Variants in CTNNA1 observed in about 807,000 individuals in gnomAD.
CTNNA1 encodes the protein catenin alpha-1.
CTNNA1 carries 37 observed loss-of-function variants against 98.4 expected under a neutral mutation model. The ratio of observed to expected loss-of-function variants is 0.38; its 90% CI spans 0.29 to 0.49. The LOEUF (loss-of-function observed/expected upper bound fraction) is 0.49. Among genes scored for constraint, CTNNA1 ranks in the 20% least tolerant of loss-of-function variants. The probability of loss-of-function intolerance (pLI) is 0.95; values close to 1 mark genes in which losing one functional copy is unlikely to be tolerated. For synonymous variants in CTNNA1, 404 were observed against 413.2 expected, an observed-to-expected ratio of 0.98 and a Z score of 0.27; for missense variants, 761 against 1,147.2, an observed-to-expected ratio of 0.66 and a Z score of 4.86.
At chr5:138,912,762 ATAAG>A (rs1194257818) in intron 10 of CTNNA1, among the ~76,000 whole-genome samples, 2 of 152,026 alleles carry the variant, frequency 1.3e-5, no homozygotes, top group South Asian at 2.1e-4. Context: ...TTAAAATTAT[ATAAG>A]TAAGAGTAAA....
intron 7 of CTNNA1, among the ~76,000 whole-genome samples, chr5:138,877,232 C>T (rs997849774): frequency 6.6e-6 from 1 of 152,162 alleles, no homozygotes; most frequent in Admixed American, 6.5e-5. Flanking sequence ...TTAATCCTTC[C>T]TATAGTCTCT....
chr5:138,799,857 GATGTATGTATGTATGT>G (rs55698183), intron 3 of CTNNA1, among the ~76,000 whole-genome samples: 6 of 149,024 alleles, frequency 4.0e-5, no homozygotes, highest in African/African-American at 1.2e-4. Flanking sequence ...AGTAGATGTA[GATGTATGTATGTATGT>G]ATGTATGTAT....
At chr5:138,776,797 GGGGCT>G (rs1754284293) in intron 1 of CTNNA1, among the ~76,000 whole-genome samples, 1 of 142,792 alleles carries the variant, frequency 7.0e-6, no homozygotes, top group African/African-American at 2.7e-5. Context: ...GGCCAGGCGG[GGGGCT>G]GACCCCCCCA....
chr5:138,792,038 G>T (rs115392359), intron 3 of CTNNA1, among the ~76,000 whole-genome samples: 1,772 of 152,052 alleles, frequency 0.012, 29 homozygotes, highest in African/African-American at 0.041. Context: ...ATAAAGAAAG[G>T]ATGGAAAATG....
intron 7 of CTNNA1, among the ~76,000 whole-genome samples, chr5:138,849,001 C>T (rs1233154668): frequency 2.6e-5 from 4 of 152,072 alleles, no homozygotes; most frequent in African/African-American, 9.7e-5. Flanking sequence ...GGATTACAGG[C>T]GTGAGCCACC....
intron 10 of CTNNA1, among the ~76,000 whole-genome samples, chr5:138,914,166 T>C (rs1761260954): frequency 6.6e-6 from 1 of 152,216 alleles, no homozygotes; most frequent in Non-Finnish European, 1.5e-5. Flanking sequence ...ATGCGATATA[T>C]TACAAAGAAA....
intron 3 of CTNNA1, among the ~76,000 whole-genome samples, chr5:138,788,149 T>A (rs1755923491): frequency 1.3e-5 from 2 of 152,210 alleles, no homozygotes; most frequent in Non-Finnish European, 2.9e-5. Context: ...CTTTTTTGTC[T>A]TAGCGCTTAT....
At chr5:138,852,547 C>T (rs1421458973) in intron 7 of CTNNA1, among the ~76,000 whole-genome samples, 1 of 151,960 alleles carries the variant, frequency 6.6e-6, no homozygotes, top group East Asian at 1.9e-4. Context: ...ACAGTTTCTT[C>T]CTATATAGGT....
At chr5:138,856,040 CTTG>C (rs1288855920) in intron 7 of CTNNA1, among the ~76,000 whole-genome samples, 7 of 152,304 alleles carry the variant, frequency 4.6e-5, no homozygotes, top group African/African-American at 1.4e-4. Flanking sequence ...AATCCTGAAA[CTTG>C]TTGATACATA....
chr5:138,831,515 T>C (rs1050221667), intron 7 of CTNNA1, among the ~76,000 whole-genome samples: 1 of 152,210 alleles, frequency 6.6e-6, no homozygotes, highest in Non-Finnish European at 1.5e-5. Context: ...CAGGCTGAGC[T>C]CCTGTCTTTA....
chr5:138,843,592 G>A (rs1762446592), intron 7 of CTNNA1, among the ~76,000 whole-genome samples: 1 of 152,162 alleles, frequency 6.6e-6, no homozygotes, highest in South Asian at 2.1e-4. Flanking sequence ...GATGCAATTA[G>A]TAATGGAAAC....
Position 138,933,241 on chromosome 5 carries a change from A to G in CTNNA1, c.2433+529A>G, listed in dbSNP as rs192355387. Among the ~76,000 whole-genome samples the G allele has an allele frequency of 3.3e-5, 5 of 152,228 alleles. No individual in the cohort carries two copies. The East Asian group carries it at 9.6e-4, about 29-fold the overall frequency. The stretch of plus-strand genomic sequence containing the variant: ...TTCTCAAAAGCCCTTCACTCCTCAG[A>G]GTGCTTGGGTAGCGTCTCTTTCTTT... On this transcript the variant is annotated intron_variant, in intron 17 of 17. Coordinates refer to ENST00000302763, the MANE Select transcript of CTNNA1 (RefSeq NM_001903.5).
intron 10 of CTNNA1, among the ~76,000 whole-genome samples, chr5:138,907,385 A>G (rs937480559): frequency 2.0e-5 from 3 of 152,214 alleles, no homozygotes; most frequent in South Asian, 4.1e-4. Context: ...ATTTTAAACA[A>G]TTGGTAACTA....
At chr5:138,827,893 C>T (rs1441384519) in intron 7 of CTNNA1, 175 bp downstream of exon 7, 6 of 675,574 alleles carry the variant, frequency 8.9e-6, no homozygotes, top group South Asian at 2.0e-5. Flanking sequence ...GCTCTTTCCT[C>T]TCTCCAGCTT....
At chr5:138,784,459 A>G (rs539216835) in intron 3 of CTNNA1, among the ~76,000 whole-genome samples, 1 of 152,334 alleles carries the variant, frequency 6.6e-6, no homozygotes, top group African/African-American at 2.4e-5. Flanking sequence ...TAACATCTCC[A>G]ATTGTTTTCT....
At chr5:138,788,610 T>C (rs889953341) in intron 3 of CTNNA1, among the ~76,000 whole-genome samples, 3 of 152,092 alleles carry the variant, frequency 2.0e-5, no homozygotes, top group Admixed American at 6.6e-5. Context: ...ATTTTAACAG[T>C]AGATAAAGAG....
intron 10 of CTNNA1, among the ~76,000 whole-genome samples, chr5:138,912,013 A>G (rs1760734821): frequency 6.6e-6 from 1 of 152,184 alleles, no homozygotes; most frequent in East Asian, 1.9e-4. Flanking sequence ...TGGACATGTT[A>G]TTTTTGAGGT....
intron 3 of CTNNA1, among the ~76,000 whole-genome samples, chr5:138,786,318 A>G (rs1466865062): frequency 1.9e-4 from 29 of 152,242 alleles, no homozygotes; most frequent in Non-Finnish European, 2.9e-5. Context: ...AAATGGTGAT[A>G]AGATCTCTTT....
chr5:138,800,334 A>T (rs114583386), intron 3 of CTNNA1, among the ~76,000 whole-genome samples: 328 of 152,366 alleles, frequency 2.2e-3, no homozygotes, highest in African/African-American at 7.6e-3. Flanking sequence ...CAAAGTCATT[A>T]TATGACAATT....
Sources: allele counts gnomAD v4.1 joint callset (sites outside exome capture counted in the v4.1 genomes callset), GRCh38; gene constraint gnomAD v4.1.1; transcripts MANE v1.5; gene names NCBI Gene and HGNC (gene_info 2026-07-23, HGNC 2026-07-21).